GPC3: variants seen among roughly 807,000 people sequenced by gnomAD.
GPC3 encodes the protein glypican-3.
A neutral mutation model predicts 34.4 loss-of-function variants in GPC3; 3 were observed. That is an observed-to-expected ratio of 0.09 (90% CI 0.04 to 0.23). The LOEUF (loss-of-function observed/expected upper bound fraction) is 0.23. GPC3 is among the 10% of genes least tolerant of loss of function. GPC3 has a pLI of 1.00. For synonymous variants in GPC3, 177 were observed against 174.0 expected (o/e 1.02, Z -0.13); for missense variants, 351 against 445.6 (o/e 0.79, Z 1.91).
intron 3 of GPC3, among the ~76,000 whole-genome samples, chrX:133,741,806 G>A (rs991321045): frequency 2.7e-5 from 3 of 112,995 alleles, no homozygotes; most frequent in Admixed American, 9.3e-5. Flanking sequence ...CATCTTCCTC[G>A]TTGTATAGAT....
intron 2 of GPC3, among the ~76,000 whole-genome samples, chrX:133,916,461 T>C (rs2124611403): frequency 8.9e-6 from 1 of 112,022 alleles, no homozygotes; most frequent in East Asian, 2.8e-4. Flanking sequence ...ACAGGTATTA[T>C]ACCAATACAT....
At chrX:133,869,727 C>T (rs2124574258) in intron 2 of GPC3, among the ~76,000 whole-genome samples, 1 of 111,904 alleles carries the variant, frequency 8.9e-6, no homozygotes, top group South Asian at 3.8e-4. Context: ...GCCGGCACAT[C>T]ACGAGGTCAG....
At chrX:133,923,250 C>T (rs1603273388) in intron 2 of GPC3, among the ~76,000 whole-genome samples, 1 of 111,665 alleles carries the variant, frequency 9.0e-6, no homozygotes, top group African/African-American at 3.3e-5. Context: ...GGAGAGGAGA[C>T]AGGCTGAGAA....
At chrX:133,720,094 C>T (rs890080595) in intron 3 of GPC3, among the ~76,000 whole-genome samples, 1 of 108,073 alleles carries the variant, frequency 9.3e-6, no homozygotes, top group Non-Finnish European at 1.9e-5. Flanking sequence ...GGGAACACTT[C>T]TACACTGCTG....
intron 5 of GPC3, among the ~76,000 whole-genome samples, chrX:133,679,952 G>A (rs963931930): frequency 2.7e-5 from 3 of 111,536 alleles, no homozygotes; most frequent in African/African-American, 9.8e-5. Flanking sequence ...CACTGTGCCC[G>A]GCCCACAGTA....
chrX:133,806,538 G>A (rs2075636454), intron 2 of GPC3, among the ~76,000 whole-genome samples: 1 of 111,915 alleles, frequency 8.9e-6, no homozygotes, highest in Admixed American at 9.4e-5. Flanking sequence ...TTATACCTCA[G>A]TAAATTATGC....
At chrX:133,554,021 T>TC (rs1491357752) in intron 7 of GPC3, among the ~76,000 whole-genome samples, 34 of 94,413 alleles carry the variant, frequency 3.6e-4, no homozygotes, top group South Asian at 1.3e-3. Flanking sequence ...TCTCTCTCTC[T>TC]TTTTTTTTTT....
intron 3 of GPC3, among the ~76,000 whole-genome samples, chrX:133,751,551 G>A (rs1221765177): frequency 8.9e-6 from 1 of 112,303 alleles, no homozygotes; most frequent in Non-Finnish European, 1.9e-5. Flanking sequence ...AACTCCGTAA[G>A]TAGCCATGCT....
At chrX:133,578,301 C>T (rs776217853) in intron 7 of GPC3, among the ~76,000 whole-genome samples, 2 of 112,005 alleles carry the variant, frequency 1.8e-5, no homozygotes, top group South Asian at 7.5e-4. Context: ...TTCATCCACT[C>T]CCCCAGAGAG....
intron 6 of GPC3, among the ~76,000 whole-genome samples, chrX:133,643,823 GT>G (rs1029841871): frequency 3.7e-4 from 37 of 100,518 alleles, no homozygotes; most frequent in Middle Eastern, 4.9e-3. Context: ...GATTGCTTTT[GT>G]TTTTATGTTT....
chrX:133,844,076 G>T (rs751905760), intron 2 of GPC3, among the ~76,000 whole-genome samples: 14 of 111,874 alleles, frequency 1.3e-4, no homozygotes, highest in African/African-American at 4.5e-4. Context: ...GGAAGGACAA[G>T]TTAACCATGG....
At chrX:133,631,878 G>C (rs998194733) in intron 6 of GPC3, among the ~76,000 whole-genome samples, 2 of 109,017 alleles carry the variant, frequency 1.8e-5, no homozygotes, top group African/African-American at 6.7e-5. Flanking sequence ...GTTCAATGAT[G>C]ATGAGCATTT....
At chrX:133,686,629 G>A (rs1323496499) in intron 5 of GPC3, among the ~76,000 whole-genome samples, 1 of 111,112 alleles carries the variant, frequency 9.0e-6, no homozygotes, top group East Asian at 2.9e-4. Flanking sequence ...GCCCATTAAT[G>A]TACAACAAGG....
intron 2 of GPC3, among the ~76,000 whole-genome samples, chrX:133,793,557 A>G (rs1300268613): frequency 2.7e-5 from 3 of 111,316 alleles, no homozygotes; most frequent in Non-Finnish European, 3.8e-5. Context: ...ACCCAGAAAT[A>G]TCCTAACTCT....
intron 6 of GPC3, among the ~76,000 whole-genome samples, chrX:133,642,934 T>C (rs2070498091): frequency 9.0e-6 from 1 of 111,633 alleles, no homozygotes; most frequent in African/African-American, 3.2e-5. Context: ...GGTTTGGGGT[T>C]AGATAAAGGG....
At chrX:133,552,562 T>C (rs2069445170) in intron 7 of GPC3, among the ~76,000 whole-genome samples, 1 of 111,860 alleles carries the variant, frequency 8.9e-6, no homozygotes, top group Non-Finnish European at 1.9e-5. Context: ...TGTGAATACA[T>C]ATCAAGCAAT....
At chrX:133,915,729 T>G (rs902105677) in intron 2 of GPC3, among the ~76,000 whole-genome samples, 9 of 112,244 alleles carry the variant, frequency 8.0e-5, no homozygotes, top group African/African-American at 2.9e-4. Context: ...ATTATGTACA[T>G]TCAATCATAG....
At chrX:133,547,814 C>T (rs913261764) in intron 7 of GPC3, among the ~76,000 whole-genome samples, 1 of 110,509 alleles carries the variant, frequency 9.0e-6, no homozygotes, top group Non-Finnish European at 1.9e-5. Flanking sequence ...ATGCACATCA[C>T]CACACCAGGC....
At chrX:133,713,187 A>G (rs185662175) in intron 3 of GPC3, among the ~76,000 whole-genome samples, 9 of 111,843 alleles carry the variant, frequency 8.0e-5, no homozygotes, top group African/African-American at 2.3e-4. Context: ...AAGCTTTGGG[A>G]AAAAAAACCA....
Sources: allele counts gnomAD v4.1 joint callset (sites outside exome capture counted in the v4.1 genomes callset), GRCh38; gene constraint gnomAD v4.1.1; transcripts MANE v1.5; gene names NCBI Gene and HGNC (gene_info 2026-07-23, HGNC 2026-07-21).